Variants in HSPA12B observed in about 807,000 individuals in gnomAD.
HSPA12B encodes the protein heat shock 70 kDa protein 12B.
A neutral mutation model predicts 69.3 loss-of-function variants in HSPA12B; 54 were observed. That is an observed-to-expected ratio of 0.78 (90% CI 0.63 to 0.98). The LOEUF (loss-of-function observed/expected upper bound fraction) is 0.98, where lower values mean the gene tolerates loss of function less well. Among genes scored for constraint, HSPA12B ranks in the 50% least tolerant of loss-of-function variants. The pLI, the probability that HSPA12B is intolerant of heterozygous loss-of-function variation, is 0.00. For synonymous variants in HSPA12B, 441 were observed against 436.5 expected (o/e 1.01, Z -0.13); for missense variants, 929 against 999.8 (o/e 0.93, Z 0.96).
chr20:3,736,763 C>T (rs1307820821), intron 1 of HSPA12B, among the ~76,000 whole-genome samples: 1 of 152,230 alleles, frequency 6.6e-6, no homozygotes, highest in Non-Finnish European at 1.5e-5. Context: ...TGGCTTACGC[C>T]TGTAATCCCA....
rs1048335085 is a variant in HSPA12B, at chr20:3,751,737, C to A, written c.1632C>A (p.Gly544=). Residue 544 remains glycine, a synonymous_variant, in exon 13 of 13, where the codon GGC becomes GGA. Coordinates refer to ENST00000254963, the MANE Select transcript of HSPA12B (RefSeq NM_052970.5). ...TCCGCCGCTCGCCGCTCACCTATGG[C>A]GTGGGCGTGCTCAACCGCTTTGTGC... is the stretch of plus-strand genomic sequence containing the variant. ...VRVRRSPLTY[G]VGVLNRFVPG... is the part of the protein sequence containing the mutation. 83 of 1,518,446 alleles carry A rather than the reference C, an allele frequency of 5.5e-5. 1 individual carries two copies. The highest frequency in any genetic ancestry group is 6.4e-5 in the Non-Finnish European group (73 of 1,138,552). 94.1% of individuals were successfully genotyped at this position (1,518,446 alleles called of 1,614,324 possible).
rs1199737978 is a variant in HSPA12B, at chr20:3,752,112, C to T, written c.2007C>T (p.Val669=). ...ACACCGAAATTAAGGTCACCGCCGT[C>T]GACGTCAGCACCAATCGCTCCGTGC... The part of the protein sequence containing the change: ...FGDTEIKVTA[V]DVSTNRSVRA... Residue 669 remains valine (V), a synonymous_variant, in exon 13 of 13, where the codon GTC becomes GTT. Coordinates refer to ENST00000254963, the MANE Select transcript of HSPA12B (RefSeq NM_052970.5). 3.3e-6 allele frequency: 5 copies of T among 1,505,778 alleles called. No individual in the cohort carries two copies. Among genetic ancestry groups the T allele is most frequent in the Non-Finnish European group, 4.4e-6 (5 of 1,134,094 alleles). The allele number at this position is 1,505,778 out of a possible 1,614,324, so 93.3% of individuals were successfully genotyped here. A position where few individuals can be genotyped will look rare whatever the true frequency, so the allele number is the denominator to read the frequency against.
At position 3,740,500 on chromosome 20, in the gene HSPA12B, C is replaced by T. The variant is rs1005938711; in HGVS notation, c.44-315C>T. ...CCCTTCCATCTCTGGACTGAGTCTC[C>T]CTGCCACACAATGCTTTTCTGTCTC... On this transcript the variant is annotated intron_variant, in intron 2 of 12. Coordinates refer to ENST00000254963, the MANE Select transcript of HSPA12B (RefSeq NM_052970.5). The surrounding 1 kb of genome is among the most constrained non-coding windows in gnomAD (Gnocchi z 4.9). 6.6e-6 allele frequency among the ~76,000 whole-genome samples: 1 copy of T among 152,188 alleles called. No homozygotes were observed. The highest frequency in any genetic ancestry group is 1.5e-5 in the Non-Finnish European group (1 of 68,018).
Position 3,746,135 on chromosome 20 carries a change from G to C in HSPA12B, c.675+104G>C, listed in dbSNP as rs2088298897. On this transcript the variant is annotated intron_variant, in intron 7 of 12. Transcript: ENST00000254963. ...CCCTTGAGACCACAGAGTCATTGTG[G>C]AAAGAACTTCAGCCTGCTCCTGATG... 5.0e-6 allele frequency: 4 copies of C among 805,732 alleles called. 1 individual carries two copies. Among genetic ancestry groups the C allele is most frequent in the Non-Finnish European group, 2.0e-6 (1 of 490,088 alleles). 49.9% of individuals were successfully genotyped at this position (805,732 alleles called of 1,614,324 possible). A position where few individuals can be genotyped will look rare whatever the true frequency, so the allele number is the denominator to read the frequency against.
chr20:3,738,857 TG>T, intron 2 of HSPA12B, 140 bp downstream of exon 2: 1 of 643,020 alleles, frequency 1.6e-6, no homozygotes, highest in Non-Finnish European at 2.6e-6. Context: ...TGTGTGTGTG[TG>T]CATGTGTGCA....
intron 7 of HSPA12B, among the ~76,000 whole-genome samples, chr20:3,747,705 G>T (rs2088331017): frequency 6.6e-6 from 1 of 152,232 alleles, no homozygotes; most frequent in African/African-American, 2.4e-5. Context: ...TGGGAACAAA[G>T]TTCTCCTGGA....
rs1423192120 is a variant in HSPA12B at position 3,751,586 on chromosome 20, TGCTGCAGCACGCGGTGCAGGCGGC to T, written c.1486_1509del (p.Gln496_Leu503del). The T allele has an allele frequency of 1.3e-6, 2 of 1,518,270 alleles. No individual in the cohort carries two copies. The highest frequency in any genetic ancestry group is 1.8e-6 in the Non-Finnish European group (2 of 1,137,194). 94.0% of individuals were successfully genotyped at this position (1,518,270 alleles called of 1,614,324 possible). ...GTGGGCGGCTTCGCCGAGTCAGCGGTGCTGCAGCACGCGGTGCAGGCGGCGCTGGGCGCCCGCGGTCTGCGTGTC... is the reference window on the plus strand; with the variant it reads ...GTGGGCGGCTTCGCCGAGTCAGCGGTGCTGGGCGCCCGCGGTCTGCGTGTC... On this transcript the variant is annotated inframe_deletion, in exon 13 of 13. Transcript: ENST00000254963.
At position 3,751,661 on chromosome 20, in the gene HSPA12B, C is replaced by T. The variant is rs1054363870; in HGVS notation, c.1556C>T (p.Thr519Ile). Residue 519 changes from threonine to isoleucine, a missense_variant, in exon 13 of 13, where the codon ACC becomes ATC. Transcript: ENST00000254963. The part of the protein sequence containing the change: ...RVVVPHDVGL[T>I]ILKGAVLFGQ... ...GTGGTCCCGCACGACGTGGGCCTCA[C>T]CATCCTCAAAGGCGCGGTGCTGTTC... is the stretch of plus-strand genomic sequence containing the variant. 1.3e-6 allele frequency: 2 copies of T among 1,521,198 alleles called. No homozygotes were observed. The highest frequency in any genetic ancestry group is 1.8e-6 in the Non-Finnish European group (2 of 1,139,038). 94.2% of individuals were successfully genotyped at this position (1,521,198 alleles called of 1,614,324 possible).
At position 3,750,033 on chromosome 20, in the gene HSPA12B, C is replaced by A; in HGVS notation, c.1107C>A (p.Gly369=). 1 of 1,603,204 alleles carries A rather than the reference C, an allele frequency of 6.2e-7. No homozygotes were observed. The highest frequency in any genetic ancestry group is 8.5e-7 in the Non-Finnish European group (1 of 1,175,614). ...AFEQLLCRIF[G]EDFIATFKRQ... Reference sequence around the variant, plus strand: ...AGCAGCTGCTGTGCCGCATCTTCGGCGAGGACTTCATCGCCACCTTCAAAA... The same window carrying A: ...AGCAGCTGCTGTGCCGCATCTTCGGAGAGGACTTCATCGCCACCTTCAAAA... The change falls in exon 11 of 13, where the codon GGC becomes GGA. Residue 369 remains glycine (G), a synonymous_variant. Transcript: ENST00000254963.
At chr20:3,735,758 G>A (rs62206553) in intron 1 of HSPA12B, among the ~76,000 whole-genome samples, 1 of 152,028 alleles carries the variant, frequency 6.6e-6, no homozygotes, top group South Asian at 2.1e-4. Flanking sequence ...GAGCCACGGC[G>A]CCCGGCCCAG....
chr20:3,742,905 ACT>A (rs1322863708), intron 4 of HSPA12B, among the ~76,000 whole-genome samples: 7 of 150,064 alleles, frequency 4.7e-5, no homozygotes, highest in Non-Finnish European at 1.0e-4. Context: ...ACGGAGTCTC[ACT>A]CTGTTGTCCA....
At chr20:3,748,120 G>A in intron 7 of HSPA12B, 97 bp from the exon 8 acceptor site, 1 of 1,107,988 alleles carries the variant, frequency 9.0e-7, no homozygotes, top group Middle Eastern at 2.2e-4. Context: ...GGAGGAGGAG[G>A]TGGGAGCCCC....
Position 3,738,642 on chromosome 20 carries a change from C to T in HSPA12B, c.-17-16C>T, listed in dbSNP as rs1325446216. On this transcript the variant is annotated splice_polypyrimidine_tract_variant and intron_variant, in intron 1 of 12. Coordinates refer to ENST00000254963, the MANE Select transcript of HSPA12B (RefSeq NM_052970.5). Reference sequence around the variant, plus strand: ...GACAAATAAATCCCACTCTGCTTGTCTGTTCCTGTTGACAGCTACAGGGCC... The same window carrying T: ...GACAAATAAATCCCACTCTGCTTGTTTGTTCCTGTTGACAGCTACAGGGCC... 6.2e-7 allele frequency: 1 copy of T among 1,612,334 alleles called. No individual in the cohort carries two copies. The highest frequency in any genetic ancestry group is 1.7e-5 in the Admixed American group (1 of 60,016).
chr20:3,751,811 G>A lies in HSPA12B; in HGVS notation c.1706G>A (p.Trp569Ter). The change falls in exon 13 of 13, where the codon TGG becomes TAG. Residue 569 changes from tryptophan to a stop codon, truncating the protein, a stop_gained. Coordinates refer to ENST00000254963, the MANE Select transcript of HSPA12B (RefSeq NM_052970.5). LOFTEE classifies it high-confidence loss of function. ...EKLLVRDGRR[W>*]CTDVFERFVA... ...CTGCTGGTTCGCGACGGCCGCCGCT[G>A]GTGCACCGACGTCTTCGAGCGCTTC... 2.6e-6 allele frequency: 4 copies of A among 1,531,598 alleles called. No homozygotes were observed. Among genetic ancestry groups the A allele is most frequent in the Non-Finnish European group, 3.5e-6 (4 of 1,145,048 alleles). 94.9% of individuals were successfully genotyped at this position (1,531,598 alleles called of 1,614,324 possible).
In HSPA12B at chr20:3,752,788, A is replaced by G; in HGVS notation, c.*622A>G. 6.5e-6 allele frequency: 1 copy of G among 153,916 alleles called. No homozygotes were observed. The highest frequency in any genetic ancestry group is 1.5e-5 in the Non-Finnish European group (1 of 68,088). 9.5% of individuals were successfully genotyped at this position (153,916 alleles called of 1,614,324 possible). A position where few individuals can be genotyped will look rare whatever the true frequency, so the allele number is the denominator to read the frequency against. On this transcript the variant is annotated 3_prime_UTR_variant, in exon 13 of 13. Transcript: ENST00000254963. ...GGAGGTGGGAACATTATTGTGGTGG[A>G]GGCAATTATGAGGGTAGCATTTCTT...
chr20:3,744,067 T>C lies in HSPA12B; in HGVS notation c.267-835T>C, dbSNP rs2088254531. Among the ~76,000 whole-genome samples, 2 of 152,152 alleles carry C rather than the reference T, an allele frequency of 1.3e-5. No individual in the cohort carries two copies. The highest frequency in any genetic ancestry group is 2.9e-5 in the Non-Finnish European group (2 of 68,020). On this transcript the variant is annotated intron_variant, in intron 4 of 12. Coordinates refer to ENST00000254963, the MANE Select transcript of HSPA12B (RefSeq NM_052970.5). The surrounding 1 kb of genome is among the most constrained non-coding windows in gnomAD (Gnocchi z 4.9). ...AGACCCCAGTCCTCTGAATATGTCC[T>C]AGAGGGTCGGCAGGCAGTAGGTGAA...
At chr20:3,751,381 A>AG (rs919310024) in intron 12 of HSPA12B, 130 bp from the exon 13 acceptor site, 102 of 1,343,112 alleles carry the variant, frequency 7.6e-5, no homozygotes, top group Non-Finnish European at 9.3e-5. Context: ...GCTACTTTCT[A>AG]GTCGCCAGGT....
chr20:3,739,469 C>G (rs1015227355), intron 2 of HSPA12B, among the ~76,000 whole-genome samples: 5 of 152,208 alleles, frequency 3.3e-5, no homozygotes, highest in Non-Finnish European at 7.4e-5. Flanking sequence ...AAGAGGGACA[C>G]TCCTCAGGAA....
Position 3,745,370 on chromosome 20 carries a change from A to G in HSPA12B, c.454-123A>G, listed in dbSNP as rs1236681762. ...GGCAGAGCTAATGTCACATGGGGCAAGAGTGGGACGGTGGTAAAGAGGAGG... is the reference window on the plus strand; with the variant it reads ...GGCAGAGCTAATGTCACATGGGGCAGGAGTGGGACGGTGGTAAAGAGGAGG... On this transcript the variant is annotated intron_variant, in intron 5 of 12. Transcript: ENST00000254963. This position sits in a 1 kb window ranked among gnomAD's most constrained non-coding sequence, Gnocchi z 5.6. 4 of 751,926 alleles carry G rather than the reference A, an allele frequency of 5.3e-6. No homozygotes were observed. The highest frequency in any genetic ancestry group is 9.3e-6 in the Non-Finnish European group (4 of 431,390). The allele number at this position is 751,926 out of a possible 1,614,324, so 46.6% of individuals were successfully genotyped here. A position where few individuals can be genotyped will look rare whatever the true frequency, so the allele number is the denominator to read the frequency against.
Sources: allele counts gnomAD v4.1 joint callset (sites outside exome capture counted in the v4.1 genomes callset), GRCh38; gene constraint gnomAD v4.1.1; non-coding constraint Gnocchi (gnomAD v3.1); transcripts MANE v1.5; gene names NCBI Gene and HGNC (gene_info 2026-07-23, HGNC 2026-07-21).